ADGRD1: variants seen among roughly 807,000 people sequenced by gnomAD.
ADGRD1 encodes adhesion G protein-coupled receptor D1, also known as G-protein coupled receptor 133.
A neutral mutation model predicts 113.4 loss-of-function variants in ADGRD1; 77 were observed. That is an observed-to-expected ratio of 0.68 (90% CI 0.57 to 0.82). The LOEUF is 0.82. ADGRD1 is among the 40% of genes least tolerant of loss of function. ADGRD1 has a pLI of 0.00. For missense variants in ADGRD1, 1,036 were observed against 1,139.1 expected (o/e 0.91, Z 1.30); for synonymous variants, 474 against 475.0 (o/e 1.00, Z 0.03).
At chr12:131,123,835 A>AG (rs1469172564) in intron 20 of ADGRD1, among the ~76,000 whole-genome samples, 2 of 152,034 alleles carry the variant, frequency 1.3e-5, no homozygotes, top group African/African-American at 4.8e-5. Flanking sequence ...CAAAAAAAAA[A>AG]AAAAAAGGTT....
rs139233327 is a variant in ADGRD1 at position 131,093,614 on chromosome 12, C to T, written c.1671+8951C>T. On this transcript the variant is annotated intron_variant, in intron 15 of 24. Transcript: ENST00000261654. ...TGCGGTCCCGAGGGTGTGTCACAGG[C>T]GGGACTGTGCCAACTGCAGTGCCGG... Among the ~76,000 whole-genome samples, 285 of 152,300 alleles carry T rather than the reference C, an allele frequency of 1.9e-3. 1 individual carries two copies. Among genetic ancestry groups the T allele is most frequent in the African/African-American group, 6.3e-3 (260 of 41,578 alleles).
At position 131,001,234 on chromosome 12, in the gene ADGRD1, T is replaced by C. The variant is rs1876356256; in HGVS notation, c.1026+792T>C. On this transcript the variant is annotated intron_variant, in intron 9 of 24. Transcript: ENST00000261654. ...GAAAAAAAGCTTCTCTTGTTCTCTT[T>C]ACTCAAAATAGCTAGAAAGGAGAAT... Among the ~76,000 whole-genome samples the C allele has an allele frequency of 1.3e-5, 2 of 152,226 alleles. 1 individual carries two copies. Among genetic ancestry groups the C allele is most frequent in the East Asian group, 3.8e-4 (2 of 5,206 alleles).
intron 18 of ADGRD1, among the ~76,000 whole-genome samples, chr12:131,109,513 GTTGT>G (rs1260724623): frequency 2.0e-5 from 3 of 152,054 alleles, no homozygotes; most frequent in African/African-American, 2.4e-5. Flanking sequence ...GATTATTTAT[GTTGT>G]TTAATTTGTA....
In ADGRD1 at chr12:131,093,052, C is replaced by T. The variant is rs556359769; in HGVS notation, c.1671+8389C>T. Among the ~76,000 whole-genome samples the T allele has an allele frequency of 1.1e-4, 17 of 152,120 alleles. 1 individual carries two copies. The South Asian group carries it at 3.1e-3, about 28-fold the overall frequency. On this transcript the variant is annotated intron_variant, in intron 15 of 24. Coordinates refer to ENST00000261654, the MANE Select transcript of ADGRD1 (RefSeq NM_198827.5). Reference sequence around the variant, plus strand: ...CTCCCCGTACCACAAGCAGCTGCCCCTCCTCATCACGTTCGCATCGCTCTT... The same window carrying T: ...CTCCCCGTACCACAAGCAGCTGCCCTTCCTCATCACGTTCGCATCGCTCTT...
intron 14 of ADGRD1, among the ~76,000 whole-genome samples, chr12:131,079,952 G>A (rs1486748524): frequency 6.6e-6 from 1 of 151,974 alleles, no homozygotes; most frequent in African/African-American, 2.4e-5. Flanking sequence ...TCTCTCTTGT[G>A]TTTCTGTTGT....
chr12:131,109,004 G>C, intron 18 of ADGRD1, 127 bp downstream of exon 18: 1 of 295,614 alleles, frequency 3.4e-6, no homozygotes, highest in Non-Finnish European at 6.6e-6. Context: ...GGGATGGGGG[G>C]AGGTGGGAAT....
chr12:130,967,246 T>C (rs1414949141), intron 3 of ADGRD1: 1 of 285,552 alleles, frequency 3.5e-6, no homozygotes, highest in African/African-American at 2.2e-5. Flanking sequence ...ACACATCAGC[T>C]CCATTTGAAA....
intron 8 of ADGRD1, among the ~76,000 whole-genome samples, chr12:130,999,345 T>G (rs1163451553): frequency 1.3e-5 from 2 of 152,264 alleles, no homozygotes; most frequent in African/African-American, 2.4e-5. Flanking sequence ...TGTGACACTT[T>G]AAGAAGTTTG....
Position 130,977,423 on chromosome 12 carries a change from G to A in ADGRD1, c.311-4461G>A, listed in dbSNP as rs559957233. The A allele has an allele frequency of 9.2e-5, 14 of 152,470 alleles. No individual in the cohort carries two copies. The East Asian group carries it at 2.7e-3, about 29-fold the overall frequency. The allele number at this position is 152,470 out of a possible 1,614,324, so 9.4% of individuals were successfully genotyped here. On this transcript the variant is annotated intron_variant, in intron 4 of 24. Transcript: ENST00000261654. The stretch of plus-strand genomic sequence containing the variant: ...TTTTAAAGGCTCGATATGCAAACGA[G>A]TGTCTCCTCCTGGCCACACCAGGCA...
At chr12:131,082,629 C>A (rs538894560) in intron 14 of ADGRD1, among the ~76,000 whole-genome samples, 29 of 152,254 alleles carry the variant, frequency 1.9e-4, no homozygotes, top group Non-Finnish European at 4.4e-5. Context: ...AATTGACAGA[C>A]AAAGGCGCAA....
intron 18 of ADGRD1, among the ~76,000 whole-genome samples, chr12:131,115,837 G>T (rs1342437661): frequency 1.3e-5 from 2 of 152,118 alleles, no homozygotes; most frequent in South Asian, 2.1e-4. Flanking sequence ...TCATCGAGGG[G>T]CTCATCATTC....
rs751443983 is a variant in ADGRD1 at position 131,000,371 on chromosome 12, G to A, written c.967-12G>A. The A allele has an allele frequency of 1.2e-6, 2 of 1,611,368 alleles. No homozygotes were observed. Among genetic ancestry groups the A allele is most frequent in the Non-Finnish European group, 1.7e-6 (2 of 1,177,678 alleles). Reference sequence around the variant, plus strand: ...GACAGGTGCTGAGCAGTGTCATTTTGTCCACCTTTAGACCTTCTTAAAAGC... The same window carrying A: ...GACAGGTGCTGAGCAGTGTCATTTTATCCACCTTTAGACCTTCTTAAAAGC... On this transcript the variant is annotated splice_polypyrimidine_tract_variant and intron_variant, in intron 8 of 24. Coordinates refer to ENST00000261654, the MANE Select transcript of ADGRD1 (RefSeq NM_198827.5).
At chr12:131,085,214 C>T (rs1269944365) in intron 15 of ADGRD1, among the ~76,000 whole-genome samples, 2 of 152,180 alleles carry the variant, frequency 1.3e-5, no homozygotes, top group African/African-American at 4.8e-5. Context: ...GGTGAGGAGA[C>T]AGCGGGGAGC....
chr12:131,015,377 A>G (rs1157221428), intron 13 of ADGRD1, among the ~76,000 whole-genome samples: 1 of 143,464 alleles, frequency 7.0e-6, no homozygotes, highest in Non-Finnish European at 1.5e-5. Context: ...GGGGACTGGA[A>G]TTGGAGATTG....
At chr12:131,017,955 T>G (rs1009979295) in intron 13 of ADGRD1, among the ~76,000 whole-genome samples, 6 of 152,072 alleles carry the variant, frequency 3.9e-5, no homozygotes, top group African/African-American at 1.4e-4. Context: ...ACCCAGTGCA[T>G]GTACCTGCAT....
chr12:131,093,504 C>G (rs1014338343), intron 15 of ADGRD1, among the ~76,000 whole-genome samples: 1 of 152,162 alleles, frequency 6.6e-6, no homozygotes, highest in African/African-American at 2.4e-5. Flanking sequence ...GCCCTGGCTC[C>G]AGGGAAGGGC....
chr12:130,999,050 T>A lies in ADGRD1; in HGVS notation c.967-1333T>A, dbSNP rs150833880. Among the ~76,000 whole-genome samples the A allele has an allele frequency of 1.5e-3, 223 of 152,356 alleles. 1 individual carries two copies. Among genetic ancestry groups the A allele is most frequent in the African/African-American group, 5.2e-3 (215 of 41,584 alleles). Reference sequence around the variant, plus strand: ...GTAAAAATACATTATTAAAATTAGTTTCACCTTTTTTATTCTACTTCTTAA... The same window carrying A: ...GTAAAAATACATTATTAAAATTAGTATCACCTTTTTTATTCTACTTCTTAA... On this transcript the variant is annotated intron_variant, in intron 8 of 24. Transcript: ENST00000261654.
Position 131,027,737 on chromosome 12 carries a change from C to G in ADGRD1, c.1473+13397C>G, listed in dbSNP as rs1334315094. The G allele has an allele frequency of 6.6e-6, 1 of 152,208 alleles. No individual in the cohort carries two copies. Among genetic ancestry groups the G allele is most frequent in the East Asian group, 1.9e-4 (1 of 5,202 alleles). 9.4% of individuals were successfully genotyped at this position (152,208 alleles called of 1,614,324 possible). ...TCAGACCAAACTTCTCATCACCCTG[C>G]ATCCCCCTGCCAGCCATGTTTTAAA... On this transcript the variant is annotated intron_variant, in intron 13 of 24. Transcript: ENST00000261654. The surrounding 1 kb of genome is among the most constrained non-coding windows in gnomAD (Gnocchi z 5.1).
chr12:131,049,268 G>A (rs891005367), intron 13 of ADGRD1, among the ~76,000 whole-genome samples: 4 of 152,194 alleles, frequency 2.6e-5, no homozygotes, highest in African/African-American at 9.7e-5. Context: ...CACATATGGT[G>A]GGACCTGGCC....
Sources: allele counts gnomAD v4.1 joint callset (sites outside exome capture counted in the v4.1 genomes callset), GRCh38; gene constraint gnomAD v4.1.1; non-coding constraint Gnocchi (gnomAD v3.1); transcripts MANE v1.5; gene names NCBI Gene and HGNC (gene_info 2026-07-23, HGNC 2026-07-21).